Variants in IL1RAPL1 observed in about 807,000 individuals in gnomAD.
IL1RAPL1 encodes the protein interleukin-1 receptor accessory protein-like 1.
Under a neutral mutation model 48.4 loss-of-function variants are expected in IL1RAPL1, and 3 were observed. The ratio of observed to expected loss-of-function variants is 0.06; its 90% confidence interval spans 0.03 to 0.16. IL1RAPL1 has a LOEUF of 0.16. Among genes scored for constraint, IL1RAPL1 ranks in the 10% least tolerant of loss-of-function variants. The pLI is 1.00. For synonymous variants in IL1RAPL1, 185 were observed against 187.7 expected (o/e 0.99, Z 0.12); for missense variants, 349 against 530.6 (o/e 0.66, Z 3.36).
Position 29,415,635 on chromosome X carries a change from G to A in IL1RAPL1, c.703+16327G>A, listed in dbSNP as rs145555744. On this transcript the variant is annotated intron_variant, in intron 5 of 10. Transcript: ENST00000378993. ...GGGGTTTCACCGTTTTAGTCAGGAC[G>A]GTCTTGAACTCCTGACGTTGTGATC... is the stretch of plus-strand genomic sequence containing the variant. Among the ~76,000 whole-genome samples, 995 of 111,317 alleles carry A rather than the reference G, an allele frequency of 8.9e-3. 10 individuals are homozygous for A. The highest frequency in any genetic ancestry group is 0.031 in the African/African-American group (952 of 30,680).
intron 2 of IL1RAPL1, among the ~76,000 whole-genome samples, chrX:29,163,818 AT>A (rs1225793354): frequency 8.9e-6 from 1 of 112,128 alleles, no homozygotes; most frequent in Admixed American, 9.5e-5. Context: ...TGCATAAATG[AT>A]ATTTTCAGCT....
rs191137803 is a variant in IL1RAPL1 at position 29,409,602 on chromosome X, T to A, written c.703+10294T>A. Among the ~76,000 whole-genome samples, 823 of 111,319 alleles carry A rather than the reference T, an allele frequency of 7.4e-3. 13 individuals carry two copies. The highest frequency in any genetic ancestry group is 0.025 in the African/African-American group (782 of 30,681). On this transcript the variant is annotated intron_variant, in intron 5 of 10. Coordinates refer to ENST00000378993, the MANE Select transcript of IL1RAPL1 (RefSeq NM_014271.4). Reference sequence around the variant, plus strand: ...ACATTTATTGTTAAGGTGTAGTAAGTTTGAATAAAAACAAGATGTTTTTAC... The same window carrying A: ...ACATTTATTGTTAAGGTGTAGTAAGATTGAATAAAAACAAGATGTTTTTAC...
chrX:29,667,370 G>C (rs1926027416), intron 5 of IL1RAPL1, among the ~76,000 whole-genome samples: 1 of 112,150 alleles, frequency 8.9e-6, no homozygotes, highest in South Asian at 3.7e-4. Flanking sequence ...AGTATATGTG[G>C]CCAACTCTTG....
chrX:29,917,315 A>G, intron 6 of IL1RAPL1, 149 bp from the exon 7 acceptor site: 1 of 521,105 alleles, frequency 1.9e-6, no homozygotes, highest in South Asian at 3.2e-5. Context: ...TATCAATTTG[A>G]CAAAGATTGA....
intron 1 of IL1RAPL1, among the ~76,000 whole-genome samples, chrX:28,611,956 A>G (rs1934152489): frequency 8.9e-6 from 1 of 112,168 alleles, no homozygotes; most frequent in African/African-American, 3.2e-5. Flanking sequence ...TTTTTTAAAT[A>G]AAGTTTTATT....
At chrX:29,844,640 C>T (rs1364463708) in intron 6 of IL1RAPL1, among the ~76,000 whole-genome samples, 1 of 111,871 alleles carries the variant, frequency 8.9e-6, no homozygotes, top group Admixed American at 9.5e-5. Flanking sequence ...ATAGTATTTA[C>T]ATTGTAATAG....
intron 5 of IL1RAPL1, among the ~76,000 whole-genome samples, chrX:29,626,913 G>T (rs1015917359): frequency 1.2e-4 from 13 of 112,022 alleles, no homozygotes; most frequent in African/African-American, 4.2e-4. Context: ...TTATAATATA[G>T]AATGTAAATA....
chrX:29,563,801 T>G (rs1013063912), intron 5 of IL1RAPL1, among the ~76,000 whole-genome samples: 10 of 112,204 alleles, frequency 8.9e-5, no homozygotes, highest in Non-Finnish European at 1.7e-4. Flanking sequence ...TGTTGATGGA[T>G]TCGAAGAAGT....
intron 2 of IL1RAPL1, among the ~76,000 whole-genome samples, chrX:28,853,573 TTAAA>T (rs1921727853): frequency 9.0e-6 from 1 of 111,653 alleles, no homozygotes; most frequent in Non-Finnish European, 1.9e-5. Flanking sequence ...TAAACATTTC[TTAAA>T]TAAAGGCAGC....
chrX:28,872,763 A>G (rs17337910), intron 2 of IL1RAPL1, among the ~76,000 whole-genome samples: 7,927 of 112,041 alleles, frequency 0.071, 545 homozygotes, highest in East Asian at 0.24. Context: ...TAGCTTGGCC[A>G]TGCCAGTTGG....
intron 2 of IL1RAPL1, among the ~76,000 whole-genome samples, chrX:28,944,048 T>C (rs946977797): frequency 4.5e-5 from 5 of 110,912 alleles, no homozygotes; most frequent in African/African-American, 1.6e-4. Context: ...TATAAGTCAA[T>C]TTAGTTATTT....
intron 6 of IL1RAPL1, among the ~76,000 whole-genome samples, chrX:29,876,920 A>G (rs947958974): frequency 8.9e-6 from 1 of 111,997 alleles, no homozygotes. Flanking sequence ...GCACAAAGCA[A>G]CCTGCTCCAC....
At chrX:29,417,807 A>G (rs1456074906) in intron 5 of IL1RAPL1, among the ~76,000 whole-genome samples, 1 of 110,648 alleles carries the variant, frequency 9.0e-6, no homozygotes, top group Non-Finnish European at 1.9e-5. Context: ...TTAAAGTTCC[A>G]TTAGATAATT....
intron 5 of IL1RAPL1, among the ~76,000 whole-genome samples, chrX:29,423,423 A>G (rs1934314600): frequency 8.9e-6 from 1 of 112,386 alleles, no homozygotes; most frequent in Non-Finnish European, 1.9e-5. Flanking sequence ...CCTTGGCAAA[A>G]GAAACTTCTA....
At chrX:29,741,815 C>T (rs1325488690) in intron 6 of IL1RAPL1, among the ~76,000 whole-genome samples, 4 of 105,453 alleles carry the variant, frequency 3.8e-5, no homozygotes, top group African/African-American at 1.4e-4. Context: ...ATCCCAGCTA[C>T]TTGGGAGGCT....
At chrX:28,873,230 C>A (rs1017075146) in intron 2 of IL1RAPL1, among the ~76,000 whole-genome samples, 1 of 106,215 alleles carries the variant, frequency 9.4e-6, no homozygotes, top group African/African-American at 3.5e-5. Flanking sequence ...CGTTACTCAG[C>A]CTCCCAAGTA....
At chrX:29,180,684 C>A (rs1930126829) in intron 2 of IL1RAPL1, among the ~76,000 whole-genome samples, 1 of 111,473 alleles carries the variant, frequency 9.0e-6, no homozygotes, top group African/African-American at 3.3e-5. Flanking sequence ...GCCAGAAACT[C>A]AATTATTTTT....
chrX:28,595,697 G>C (rs775952073), intron 1 of IL1RAPL1, among the ~76,000 whole-genome samples: 1 of 112,223 alleles, frequency 8.9e-6, no homozygotes, highest in Admixed American at 9.5e-5. Flanking sequence ...GAAAAACTGA[G>C]AGAGTTAGAA....
At chrX:29,922,118 A>T (rs1932853075) in intron 8 of IL1RAPL1, among the ~76,000 whole-genome samples, 1 of 110,932 alleles carries the variant, frequency 9.0e-6, no homozygotes, top group Non-Finnish European at 1.9e-5. Context: ...GGGGAGGAAA[A>T]TGAATTATAT....
Sources: allele counts gnomAD v4.1 joint callset (sites outside exome capture counted in the v4.1 genomes callset), GRCh38; gene constraint gnomAD v4.1.1; transcripts MANE v1.5; gene names NCBI Gene and HGNC (gene_info 2026-07-23, HGNC 2026-07-21).